Variants in ZNF107 observed in about 807,000 individuals in gnomAD.
The protein encoded by ZNF107 is C2H2 type zinc-finger protein.
A neutral mutation model predicts 12.3 loss-of-function variants in ZNF107; 19 were observed. The ratio of observed to expected loss-of-function variants is 1.55; its 90% CI spans 1.08 to 2.27. ZNF107 has a LOEUF of 2.27. Ranked by LOEUF, ZNF107 falls within the 30% of genes most tolerant of loss-of-function variation. The pLI is 0.00. For synonymous variants in ZNF107, 317 were observed against 330.5 expected (o/e 0.96, Z 0.44); for missense variants, 958 against 979.9 (o/e 0.98, Z 0.30).
Position 64,708,409 on chromosome 7 carries a change from A to G in ZNF107, c.2312A>G (p.Asn771Ser). ...YKCEECGKAF[N>S]QSSNLTTHKK... is the part of the protein sequence containing the mutation. ...TGTGAAGAATGTGGCAAAGCTTTTA[A>G]CCAATCCTCAAACCTTACTACACAT... Residue 771 changes from asparagine to serine, a missense_variant, in exon 4 of 4, where the codon AAC becomes AGC. By Grantham distance (46) the Asn-to-Ser change is conservative. Coordinates refer to ENST00000620827, the MANE Select transcript of ZNF107 (RefSeq NM_001282359.2). 6.2e-7 allele frequency: 1 copy of G among 1,604,288 alleles called. No individual in the cohort carries two copies. The highest frequency in any genetic ancestry group is 1.3e-5 in the African/African-American group (1 of 74,856).
intron 2 of ZNF107, among the ~76,000 whole-genome samples, 169 bp downstream of exon 2, chr7:64,691,543 C>G (rs886553448): frequency 3.3e-5 from 5 of 152,082 alleles, no homozygotes; most frequent in Non-Finnish European, 7.4e-5. Flanking sequence ...CTTCAAGATA[C>G]TTCATCTTGA....
At chr7:64,682,610 G>C (rs930525898) in intron 1 of ZNF107, among the ~76,000 whole-genome samples, 2 of 152,102 alleles carry the variant, frequency 1.3e-5, no homozygotes, top group Non-Finnish European at 1.5e-5. Flanking sequence ...CACGACCAGT[G>C]GCCTACTTAT....
chr7:64,691,782 C>A, intron 2 of ZNF107, 83 bp from the exon 3 acceptor site: 1 of 658,746 alleles, frequency 1.5e-6, no homozygotes, highest in Non-Finnish European at 2.1e-6. Flanking sequence ...TCTATTACAT[C>A]CTCTTTACTG....
chr7:64,690,552 A>T (rs931805447), intron 1 of ZNF107: 3 of 978,024 alleles, frequency 3.1e-6, no homozygotes, highest in African/African-American at 1.8e-5. Flanking sequence ...CCTAATTTTT[A>T]AAATTTTTTA....
chr7:64,688,547 C>A (rs1304347026), intron 1 of ZNF107, among the ~76,000 whole-genome samples: 1 of 152,056 alleles, frequency 6.6e-6, no homozygotes, highest in Non-Finnish European at 1.5e-5. Flanking sequence ...TATGAGCCAC[C>A]ACACCCAACC....
At chr7:64,688,526 G>A (rs1457590482) in intron 1 of ZNF107, among the ~76,000 whole-genome samples, 2 of 151,858 alleles carry the variant, frequency 1.3e-5, no homozygotes, top group African/African-American at 4.8e-5. Flanking sequence ...CCAAAGTGCT[G>A]GTGTTACAGG....
chr7:64,679,747 A>G (rs1789577811), intron 1 of ZNF107, among the ~76,000 whole-genome samples: 1 of 152,190 alleles, frequency 6.6e-6, no homozygotes, highest in African/African-American at 2.4e-5. Flanking sequence ...CCCAATATAA[A>G]TTAGACAGTG....
At chr7:64,667,312 TTTAA>T (rs1789040935) in intron 1 of ZNF107, among the ~76,000 whole-genome samples, 1 of 152,264 alleles carries the variant, frequency 6.6e-6, no homozygotes, top group Admixed American at 6.5e-5. Context: ...GATACTGTAT[TTTAA>T]TTAATCATTG....
In ZNF107 at chr7:64,711,266, A is replaced by G. The variant is rs1184604174; in HGVS notation, c.*2610A>G. On this transcript the variant is annotated 3_prime_UTR_variant, in exon 4 of 4. Coordinates refer to ENST00000620827, the MANE Select transcript of ZNF107 (RefSeq NM_001282359.2). ...AAAGAATATTGTTCCCATAGGTTAG[A>G]TTTTTATTCTTTTTAAAATTTAAAC... The G allele has an allele frequency of 6.6e-6, 1 of 152,176 alleles. No individual in the cohort carries two copies. Among genetic ancestry groups the G allele is most frequent in the Non-Finnish European group, 1.5e-5 (1 of 68,000 alleles). The allele number at this position is 152,176 out of a possible 1,614,324, so 9.4% of individuals were successfully genotyped here. A position where few individuals can be genotyped will look rare whatever the true frequency, so the allele number is the denominator to read the frequency against.
intron 1 of ZNF107, among the ~76,000 whole-genome samples, chr7:64,667,064 C>T (rs1789033613): frequency 6.6e-6 from 1 of 152,122 alleles, no homozygotes; most frequent in African/African-American, 2.4e-5. Context: ...GGACTAGAGC[C>T]ACCTCAGTCT....
chr7:64,703,739 C>A (rs964663797), intron 3 of ZNF107, among the ~76,000 whole-genome samples: 5 of 152,006 alleles, frequency 3.3e-5, no homozygotes, highest in Non-Finnish European at 7.4e-5. Flanking sequence ...AAAAGTTTGT[C>A]TCTTGATTTT....
chr7:64,671,670 A>G (rs931935805), intron 1 of ZNF107, among the ~76,000 whole-genome samples: 2 of 151,902 alleles, frequency 1.3e-5, no homozygotes, highest in African/African-American at 2.4e-5. Flanking sequence ...GTACACATGC[A>G]GTTTGTTATA....
intron 1 of ZNF107, among the ~76,000 whole-genome samples, chr7:64,688,453 TCA>T (rs1296127403): frequency 6.6e-6 from 1 of 151,988 alleles, no homozygotes; most frequent in Non-Finnish European, 1.5e-5. Flanking sequence ...AGGGGGGGTT[TCA>T]CCATGTTGGC....
Position 64,706,842 on chromosome 7 carries a change from A to C in ZNF107, c.745A>C (p.Ile249Leu). Residue 249 changes from isoleucine (I) to leucine (L), a missense_variant, in exon 4 of 4, where the codon ATA (isoleucine) becomes CTA (leucine). Coordinates refer to ENST00000620827, the MANE Select transcript of ZNF107 (RefSeq NM_001282359.2). ...GTCCTCACAACTTACTAGGCATAAG[A>C]TAATTCATACTGAAGAGAAACCCAA... ...NQSSQLTRHK[I>L]IHTEEKPNKC... 6.2e-7 allele frequency: 1 copy of C among 1,613,718 alleles called. No individual in the cohort carries two copies. Among genetic ancestry groups the C allele is most frequent in the African/African-American group, 1.3e-5 (1 of 75,042 alleles).
chr7:64,686,735 C>T lies in ZNF107; in HGVS notation c.4-4513C>T. 4.5e-6 allele frequency: 4 copies of T among 882,232 alleles called. No individual in the cohort carries two copies. In the South Asian group the frequency reaches 2.1e-4, roughly 46 times the overall value. 54.7% of individuals were successfully genotyped at this position (882,232 alleles called of 1,614,324 possible). ...GTTTCTGTTCCAACTGGTTGATCAA[C>T]TTCTTGAGTCAACAAGTCCCAAAAC... is the stretch of plus-strand genomic sequence containing the variant. On this transcript the variant is annotated intron_variant, in intron 1 of 3. Transcript: ENST00000620827.
chr7:64,698,762 C>T (rs1399359429), intron 3 of ZNF107, among the ~76,000 whole-genome samples: 1 of 152,036 alleles, frequency 6.6e-6, no homozygotes, highest in East Asian at 1.9e-4. Context: ...AAAGTAATGC[C>T]AAGACCAATG....
chr7:64,670,195 T>A (rs1290101239), intron 1 of ZNF107, among the ~76,000 whole-genome samples: 1 of 152,114 alleles, frequency 6.6e-6, no homozygotes, highest in Non-Finnish European at 1.5e-5. Flanking sequence ...GTAAAAAAAA[T>A]TCTGAATTTT....
intron 1 of ZNF107, among the ~76,000 whole-genome samples, chr7:64,669,348 C>G (rs2128955276): frequency 6.6e-6 from 1 of 151,938 alleles, no homozygotes; most frequent in Non-Finnish European, 1.5e-5. Flanking sequence ...GTTGGTACCT[C>G]CTAGAAGTAT....
intron 1 of ZNF107, among the ~76,000 whole-genome samples, chr7:64,673,627 C>T (rs975650154): frequency 6.6e-6 from 1 of 152,136 alleles, no homozygotes; most frequent in Admixed American, 6.5e-5. Context: ...TTGGCATCTT[C>T]GTCATGAAAT....
Sources: gnomAD v4.1 joint callset for allele counts (sites outside exome capture counted in the v4.1 genomes callset) on GRCh38, gnomAD v4.1.1 for gene constraint, MANE v1.5 for transcripts, NCBI Gene and HGNC (gene_info 2026-07-23, HGNC 2026-07-21) for gene names.